The following GSG1L variants were observed in gnomAD, a reference collection of about 807,000 sequenced individuals.
GSG1L encodes the protein germ cell-specific gene 1-like protein.
A neutral mutation model predicts 42.1 loss-of-function variants in GSG1L; 24 were observed. That is an observed-to-expected ratio of 0.57 (90% CI 0.41 to 0.80). The LOEUF is 0.80. Ranked by LOEUF, GSG1L falls within the 30% of genes least tolerant of loss-of-function variation. The pLI, the probability that GSG1L is intolerant of heterozygous loss-of-function variation, is 0.00. For missense variants in GSG1L, 445 were observed against 472.2 expected, an observed-to-expected ratio of 0.94 and a Z score of 0.53; for synonymous variants, 215 against 203.5, an observed-to-expected ratio of 1.06 and a Z score of -0.48.
chr16:27,848,805 A>G (rs546721389), intron 3 of GSG1L, among the ~76,000 whole-genome samples: 95 of 152,198 alleles, frequency 6.2e-4, no homozygotes, highest in African/African-American at 2.2e-3. Context: ...GAGGGCAGCC[A>G]TGCAGAAGAC....
intron 1 of GSG1L, among the ~76,000 whole-genome samples, chr16:28,055,726 T>A (rs923842137): frequency 3.2e-4 from 49 of 152,308 alleles, no homozygotes; most frequent in African/African-American, 1.1e-3. Context: ...CACCTCGGCC[T>A]CCCAAAGTGC....
intron 2 of GSG1L, among the ~76,000 whole-genome samples, chr16:27,939,535 G>GACAGAATGAC (rs1419286019): frequency 6.6e-6 from 1 of 152,152 alleles, no homozygotes; most frequent in African/African-American, 2.4e-5. Flanking sequence ...GTTGCTGTAT[G>GACAGAATGAC]ACAGAATGAC....
chr16:27,898,034 G>C (rs530798693), intron 2 of GSG1L, among the ~76,000 whole-genome samples: 1 of 152,320 alleles, frequency 6.6e-6, no homozygotes, highest in South Asian at 2.1e-4. Context: ...AAAGGATTTT[G>C]ACAATGCCTC....
At chr16:27,958,411 T>A (rs1314008064) in intron 2 of GSG1L, among the ~76,000 whole-genome samples, 16 of 117,584 alleles carry the variant, frequency 1.4e-4, no homozygotes, top group African/African-American at 1.6e-4. Flanking sequence ...AGACTCCATC[T>A]AAAAAAAAAA....
chr16:28,004,008 G>A (rs1007494194), intron 1 of GSG1L, among the ~76,000 whole-genome samples: 3 of 152,236 alleles, frequency 2.0e-5, no homozygotes, highest in Admixed American at 6.5e-5. Context: ...AGCTGCTGGT[G>A]CCCACTGTGA....
chr16:27,975,570 G>T (rs187819465), intron 1 of GSG1L, among the ~76,000 whole-genome samples: 2 of 152,168 alleles, frequency 1.3e-5, no homozygotes, highest in African/African-American at 4.8e-5. Flanking sequence ...ATCTATTTAC[G>T]TGTAGTCCTG....
chr16:27,885,627 C>T (rs1183587964), intron 2 of GSG1L, among the ~76,000 whole-genome samples: 1 of 152,244 alleles, frequency 6.6e-6, no homozygotes, highest in Non-Finnish European at 1.5e-5. Flanking sequence ...GTCCTGCCCT[C>T]CTGGCATAGC....
chr16:27,829,032 T>A, intron 4 of GSG1L, 76 bp from the exon 5 acceptor site: 1 of 1,400,324 alleles, frequency 7.1e-7, no homozygotes, highest in Non-Finnish European at 9.9e-7. Context: ...CCACCAAACA[T>A]TCATTCATCC....
chr16:27,946,595 G>A (rs866790804), intron 2 of GSG1L, among the ~76,000 whole-genome samples: 81 of 10,372 alleles, frequency 7.8e-3, no homozygotes, highest in African/African-American at 9.0e-3. Context: ...GAGAGAGAGA[G>A]AGAGAGAGAG....
intron 1 of GSG1L, among the ~76,000 whole-genome samples, chr16:28,053,985 T>A (rs183127986): frequency 6.6e-6 from 1 of 152,228 alleles, no homozygotes; most frequent in African/African-American, 2.4e-5. Context: ...TGTTGGTCAC[T>A]CCTTCTGTGG....
At chr16:27,981,646 C>G (rs2085327870) in intron 1 of GSG1L, among the ~76,000 whole-genome samples, 2 of 152,290 alleles carry the variant, frequency 1.3e-5, no homozygotes, top group South Asian at 4.2e-4. Context: ...GTCCAAAATG[C>G]AGGTCAACTT....
At position 27,872,991 on chromosome 16, in the gene GSG1L, T is replaced by A. The variant is rs375993989; in HGVS notation, c.550+11495A>T. 1.2e-4 allele frequency among the ~76,000 whole-genome samples: 18 copies of A among 152,284 alleles called. No homozygotes were observed. In the South Asian group the frequency reaches 3.7e-3, roughly 32 times the overall value. On this transcript the variant is annotated intron_variant, in intron 3 of 6. Transcript: ENST00000447459. ...GTAGTCATTCTTTATCCCTTTACTT[T>A]CCTAATAAAGTTGCTTTCACTTTAC...
At chr16:27,930,792 A>AT (rs1251368126) in intron 2 of GSG1L, among the ~76,000 whole-genome samples, 4 of 152,242 alleles carry the variant, frequency 2.6e-5, no homozygotes, top group Admixed American at 6.5e-5. Flanking sequence ...TGGCACAATC[A>AT]TAGCTCACTG....
chr16:27,802,609 G>A lies in GSG1L; in HGVS notation c.898+4878C>T, dbSNP rs2082895969. On this transcript the variant is annotated intron_variant, in intron 6 of 6. Transcript: ENST00000447459. Reference sequence around the variant, plus strand: ...CACAGCTCTTTCCCCACCGGCCTCTGGCTCCCCTGAACCCCCAGGAGGTTA... The same window carrying A: ...CACAGCTCTTTCCCCACCGGCCTCTAGCTCCCCTGAACCCCCAGGAGGTTA... Among the ~76,000 whole-genome samples, 7 of 152,144 alleles carry A rather than the reference G, an allele frequency of 4.6e-5. No individual in the cohort carries two copies. In the South Asian group the frequency reaches 1.5e-3, roughly 32 times the overall value.
chr16:27,851,240 G>C (rs565316978), intron 3 of GSG1L, among the ~76,000 whole-genome samples: 2 of 152,042 alleles, frequency 1.3e-5, no homozygotes, highest in East Asian at 1.9e-4. Context: ...TCTGTTGCCC[G>C]GGCTGGAGTG....
At chr16:27,991,925 T>C (rs1023732034) in intron 1 of GSG1L, among the ~76,000 whole-genome samples, 1 of 152,172 alleles carries the variant, frequency 6.6e-6, no homozygotes, top group Non-Finnish European at 1.5e-5. Context: ...ACCCAGGGAC[T>C]ACCTCAGGAG....
chr16:27,926,461 G>C (rs1281608111), intron 2 of GSG1L, among the ~76,000 whole-genome samples: 1 of 151,714 alleles, frequency 6.6e-6, no homozygotes, highest in Non-Finnish European at 1.5e-5. Flanking sequence ...CTGAGGTCAG[G>C]AATTTGAGAC....
chr16:27,901,873 A>G (rs901302952), intron 2 of GSG1L, among the ~76,000 whole-genome samples: 18 of 152,130 alleles, frequency 1.2e-4, no homozygotes, highest in Non-Finnish European at 2.6e-4. Context: ...CCTCATGGGC[A>G]GCTCCCTTCC....
intron 4 of GSG1L, among the ~76,000 whole-genome samples, chr16:27,840,936 C>T (rs1179096909): frequency 6.6e-6 from 1 of 152,172 alleles, no homozygotes; most frequent in East Asian, 1.9e-4. Flanking sequence ...CTTCAGGTGA[C>T]ATCCAACTGA....
Sources: gnomAD v4.1 joint callset for allele counts (sites outside exome capture counted in the v4.1 genomes callset) on GRCh38, gnomAD v4.1.1 for gene constraint, MANE v1.5 for transcripts, NCBI Gene and HGNC (gene_info 2026-07-23, HGNC 2026-07-21) for gene names.